The following CADPS2 variants were observed in gnomAD, a reference collection of about 807,000 sequenced individuals.
The protein encoded by CADPS2 is calcium-dependent secretion activator 2.
Under a neutral mutation model 172.5 loss-of-function variants are expected in CADPS2, and 93 were observed. The ratio of observed to expected loss-of-function variants is 0.54; its 90% CI spans 0.46 to 0.64. CADPS2 has a LOEUF of 0.64. CADPS2 is among the 30% of genes least tolerant of loss of function. CADPS2 has a pLI of 0.00. For missense variants in CADPS2, 1,420 were observed against 1,565.9 expected, an observed-to-expected ratio of 0.91 and a Z score of 1.57; for synonymous variants, 546 against 555.2, an observed-to-expected ratio of 0.98 and a Z score of 0.23.
chr7:122,498,975 G>A (rs2058981484), intron 9 of CADPS2, among the ~76,000 whole-genome samples: 2 of 152,190 alleles, frequency 1.3e-5, no homozygotes, highest in East Asian at 1.9e-4. Flanking sequence ...CCAATAAAAA[G>A]CAATTTTTAA....
At position 122,708,149 on chromosome 7, in the gene CADPS2, C is replaced by A. The variant is rs1328944418; in HGVS notation, c.453+28806G>T. Among the ~76,000 whole-genome samples the A allele has an allele frequency of 1.3e-5, 2 of 151,728 alleles. 1 individual carries two copies. On this transcript the variant is annotated intron_variant, in intron 2 of 29. Coordinates refer to ENST00000449022, the MANE Select transcript of CADPS2 (RefSeq NM_017954.11). ...AAAAATCCTGATATAATTCCCTCTA[C>A]AAAATTAACTATTCTATTAATCTCC... is the stretch of plus-strand genomic sequence containing the variant.
chr7:122,703,687 T>C (rs549376573), intron 2 of CADPS2, among the ~76,000 whole-genome samples: 24 of 152,048 alleles, frequency 1.6e-4, no homozygotes, highest in African/African-American at 5.3e-4. Context: ...AGGTGACAAA[T>C]GTGTTTCAAA....
At chr7:122,593,722 T>C (rs1396161280) in intron 6 of CADPS2, among the ~76,000 whole-genome samples, 1 of 147,752 alleles carries the variant, frequency 6.8e-6, no homozygotes, top group Non-Finnish European at 1.5e-5. Flanking sequence ...ATCCAGACAA[T>C]ATGAAAAAAA....
chr7:122,409,745 T>C, intron 19 of CADPS2: 3 of 410,352 alleles, frequency 7.3e-6, no homozygotes, highest in South Asian at 1.8e-5. Context: ...TTTCTTGCCA[T>C]CCCACCCTGG....
At chr7:122,335,710 G>A (rs774427759) in intron 28 of CADPS2, among the ~76,000 whole-genome samples, 2 of 152,082 alleles carry the variant, frequency 1.3e-5, no homozygotes, top group Non-Finnish European at 2.9e-5. Flanking sequence ...GCATGACAGA[G>A]AACACTTTGA....
At chr7:122,585,009 G>A (rs1228837595) in intron 6 of CADPS2, among the ~76,000 whole-genome samples, 1 of 151,894 alleles carries the variant, frequency 6.6e-6, no homozygotes, top group Admixed American at 6.6e-5. Context: ...TACTTACAAG[G>A]TTTAGGACTT....
intron 1 of CADPS2, among the ~76,000 whole-genome samples, chr7:122,823,636 G>T (rs558727905): frequency 6.6e-6 from 1 of 152,118 alleles, no homozygotes; most frequent in East Asian, 1.9e-4. Flanking sequence ...TCAGTAGCAA[G>T]GCTCTATAAT....
chr7:122,338,270 A>T (rs1045992112), intron 28 of CADPS2, among the ~76,000 whole-genome samples: 1 of 152,086 alleles, frequency 6.6e-6, no homozygotes, highest in Admixed American at 6.6e-5. Context: ...GGTGGCACGC[A>T]CCTGTAGTCC....
At chr7:122,875,650 A>G (rs922499523) in intron 1 of CADPS2, among the ~76,000 whole-genome samples, 8 of 152,192 alleles carry the variant, frequency 5.3e-5, no homozygotes, top group African/African-American at 1.7e-4. Flanking sequence ...AAGAGAAAAC[A>G]AATTTTTCAA....
At chr7:122,736,051 C>T (rs1168941582) in intron 2 of CADPS2, among the ~76,000 whole-genome samples, 2 of 152,098 alleles carry the variant, frequency 1.3e-5, no homozygotes, top group Admixed American at 6.6e-5. Flanking sequence ...ATTTAGTCAG[C>T]AAAACTTCAT....
chr7:122,560,059 A>T (rs13237014), intron 7 of CADPS2, among the ~76,000 whole-genome samples: 17,335 of 152,118 alleles, frequency 0.11, 1,288 homozygotes, highest in African/African-American at 0.2. Flanking sequence ...TGGAGACCTG[A>T]GCAGGAAAAA....
chr7:122,578,805 C>T (rs2068403046), intron 7 of CADPS2, among the ~76,000 whole-genome samples: 1 of 152,072 alleles, frequency 6.6e-6, no homozygotes, highest in Admixed American at 6.6e-5. Flanking sequence ...AGTAAACAGA[C>T]TCTTTATGTG....
At chr7:122,714,042 A>G (rs758915080) in intron 2 of CADPS2, among the ~76,000 whole-genome samples, 2 of 152,102 alleles carry the variant, frequency 1.3e-5, no homozygotes, top group Non-Finnish European at 2.9e-5. Flanking sequence ...AAGAACATTC[A>G]TGTCACCAAT....
rs112484154 is a variant in CADPS2, at chr7:122,589,690, T to C, written c.1224-8400A>G. On this transcript the variant is annotated intron_variant, in intron 6 of 29. Coordinates refer to ENST00000449022, the MANE Select transcript of CADPS2 (RefSeq NM_017954.11). ...AACTTATCTTGGGAAATTCAAGTGC[T>C]TGATTCCAATAGGCTGTTGCAAATC... Among the ~76,000 whole-genome samples the C allele has an allele frequency of 3.3e-3, 509 of 151,994 alleles. 5 individuals are homozygous for C. Among genetic ancestry groups the C allele is most frequent in the African/African-American group, 0.012 (489 of 41,518 alleles).
chr7:122,727,149 A>G (rs1330804528), intron 2 of CADPS2, among the ~76,000 whole-genome samples: 1 of 151,942 alleles, frequency 6.6e-6, no homozygotes, highest in Non-Finnish European at 1.5e-5. Flanking sequence ...TGTGCCCTTC[A>G]AAGGATTATA....
At chr7:122,378,590 T>G (rs1454333466) in intron 25 of CADPS2, among the ~76,000 whole-genome samples, 1 of 152,138 alleles carries the variant, frequency 6.6e-6, no homozygotes, top group African/African-American at 2.4e-5. Context: ...CTTTGCTTCT[T>G]GTCATCCTTC....
intron 1 of CADPS2, among the ~76,000 whole-genome samples, chr7:122,776,215 C>T (rs966116216): frequency 6.6e-6 from 1 of 152,038 alleles, no homozygotes; most frequent in African/African-American, 2.4e-5. Context: ...ATGCTGTTCT[C>T]ATGATAGTGA....
chr7:122,545,099 A>G (rs1398048287), intron 8 of CADPS2, among the ~76,000 whole-genome samples: 1 of 152,170 alleles, frequency 6.6e-6, no homozygotes. Flanking sequence ...CTCCCATTCC[A>G]GATTCTCTTG....
intron 29 of CADPS2, 93 bp from the exon 30 acceptor site, chr7:122,320,431 G>GTTCAAAAAT (rs2032175219): frequency 1.1e-6 from 1 of 946,300 alleles, no homozygotes; most frequent in East Asian, 2.8e-5. Flanking sequence ...ATGATCTTGG[G>GTTCAAAAAT]GAATCCACTG....
Sources: allele counts gnomAD v4.1 joint callset (sites outside exome capture counted in the v4.1 genomes callset), GRCh38; gene constraint gnomAD v4.1.1; transcripts MANE v1.5; gene names NCBI Gene and HGNC (gene_info 2026-07-23, HGNC 2026-07-21).